NXN: variants seen among roughly 807,000 people sequenced by gnomAD.
The protein encoded by NXN is nucleoredoxin.
Under a neutral mutation model 48.6 loss-of-function variants are expected in NXN, and 16 were observed. The ratio of observed to expected loss-of-function variants is 0.33; its 90% CI spans 0.22 to 0.50. The LOEUF (loss-of-function observed/expected upper bound fraction) is 0.50, where lower values mean the gene tolerates loss of function less well. Among genes scored for constraint, NXN ranks in the 20% least tolerant of loss-of-function variants. The probability of loss-of-function intolerance (pLI) is 0.98; values close to 1 mark genes in which losing one functional copy is unlikely to be tolerated. For synonymous variants in NXN, 281 were observed against 269.6 expected (o/e 1.04, Z -0.41); for missense variants, 492 against 605.5 (o/e 0.81, Z 1.97).
At chr17:826,246 A>G (rs1360566960) in intron 1 of NXN, among the ~76,000 whole-genome samples, 168 bp from the exon 2 acceptor site, 1 of 152,018 alleles carries the variant, frequency 6.6e-6, no homozygotes. Context: ...CACGTTAACT[A>G]CAATCCCACT....
chr17:907,456 C>T (rs954896914), intron 1 of NXN, among the ~76,000 whole-genome samples: 3 of 152,010 alleles, frequency 2.0e-5, no homozygotes, highest in Middle Eastern at 3.2e-3. Flanking sequence ...TCTCCTGCCT[C>T]AGCCTCCCTA....
intron 1 of NXN, among the ~76,000 whole-genome samples, chr17:828,795 C>A (rs1384595366): frequency 3.9e-5 from 6 of 152,148 alleles, no homozygotes; most frequent in Non-Finnish European, 1.5e-5. Context: ...CAGAACAAGA[C>A]CATCCTGCCA....
At chr17:908,594 T>C (rs748991102) in intron 1 of NXN, among the ~76,000 whole-genome samples, 2 of 152,140 alleles carry the variant, frequency 1.3e-5, no homozygotes, top group South Asian at 4.1e-4. Flanking sequence ...GAAGCCATTA[T>C]GGTTAAACCA....
At chr17:938,407 C>T (rs936674745) in intron 1 of NXN, among the ~76,000 whole-genome samples, 3 of 152,344 alleles carry the variant, frequency 2.0e-5, no homozygotes, top group South Asian at 4.1e-4. Context: ...CCCGGCCGGG[C>T]GCGGCGGCTC....
chr17:914,368 C>G (rs553541143), intron 1 of NXN, among the ~76,000 whole-genome samples: 1 of 145,622 alleles, frequency 6.9e-6, no homozygotes, highest in South Asian at 2.1e-4. Context: ...TAGGGTTTTA[C>G]CGTGTTGGCC....
chr17:896,335 C>G (rs1475897816), intron 1 of NXN, among the ~76,000 whole-genome samples: 1 of 118,338 alleles, frequency 8.5e-6, no homozygotes, highest in East Asian at 2.2e-4. Context: ...AGCAAAACTC[C>G]ATCTCAAAAA....
intron 1 of NXN, among the ~76,000 whole-genome samples, chr17:828,318 G>C (rs139652093): frequency 0.014 from 2,094 of 151,128 alleles, 53 homozygotes; most frequent in African/African-American, 0.049. Flanking sequence ...TGGCCAGGCT[G>C]GTCTCGAACT....
At chr17:966,805 T>TG (rs2069310542) in intron 1 of NXN, among the ~76,000 whole-genome samples, 1 of 85,668 alleles carries the variant, frequency 1.2e-5, no homozygotes, top group Admixed American at 1.7e-4. Context: ...GGATGACTGT[T>TG]GGGGGGGTGG....
intron 1 of NXN, among the ~76,000 whole-genome samples, chr17:871,831 G>A (rs760241885): frequency 2.6e-4 from 39 of 152,038 alleles, no homozygotes; most frequent in South Asian, 4.1e-4. Context: ...ACAGTTACCC[G>A]CAAGCTTGCA....
intron 1 of NXN, among the ~76,000 whole-genome samples, chr17:890,159 T>C (rs971220948): frequency 3.9e-5 from 6 of 151,950 alleles, no homozygotes. Flanking sequence ...AACTTAAGAA[T>C]AAATCCCATC....
At chr17:913,638 A>G (rs1343187153) in intron 1 of NXN, among the ~76,000 whole-genome samples, 1 of 141,586 alleles carries the variant, frequency 7.1e-6, no homozygotes, top group Non-Finnish European at 1.5e-5. Flanking sequence ...CCGGGAACCG[A>G]TAAAGAGGCA....
At chr17:875,299 TG>T (rs1402868244) in intron 1 of NXN, among the ~76,000 whole-genome samples, 2 of 152,152 alleles carry the variant, frequency 1.3e-5, no homozygotes, top group African/African-American at 4.8e-5. Flanking sequence ...CCCAACCTAC[TG>T]GGATTACAGG....
intron 1 of NXN, among the ~76,000 whole-genome samples, chr17:835,701 C>A (rs939819535): frequency 7.5e-6 from 1 of 132,696 alleles, no homozygotes; most frequent in African/African-American, 3.0e-5. Context: ...CGGTGGGATT[C>A]GTCAGCCTCA....
intron 1 of NXN, among the ~76,000 whole-genome samples, chr17:943,548 ACAGTGGCTCACGCCT>A (rs2069005412): frequency 1.3e-5 from 2 of 152,340 alleles, no homozygotes; most frequent in South Asian, 4.1e-4. Context: ...CGGGCTGGGC[ACAGTGGCTCACGCCT>A]GTAATCCCAG....
At chr17:937,620 C>T (rs1036392921) in intron 1 of NXN, among the ~76,000 whole-genome samples, 4 of 152,322 alleles carry the variant, frequency 2.6e-5, no homozygotes, top group Admixed American at 6.5e-5. Flanking sequence ...GTCCCCCCAC[C>T]GCCCTCCCCA....
At chr17:967,787 T>C (rs959732386) in intron 1 of NXN, among the ~76,000 whole-genome samples, 6 of 152,078 alleles carry the variant, frequency 3.9e-5, no homozygotes, top group Non-Finnish European at 8.8e-5. Flanking sequence ...CTGGCTAATA[T>C]GGTGAAACCC....
chr17:842,112 G>A (rs1914361704), intron 1 of NXN, among the ~76,000 whole-genome samples: 1 of 152,056 alleles, frequency 6.6e-6, no homozygotes, highest in South Asian at 2.1e-4. Context: ...CTCCAGCCTG[G>A]GCGACAGAGA....
At chr17:929,790 G>A (rs971873903) in intron 1 of NXN, 3 of 147,764 alleles carry the variant, frequency 2.0e-5, no homozygotes, top group African/African-American at 7.3e-5. Context: ...CTTCACTTCC[G>A]TTTTTAATCT....
At chr17:861,317 A>G (rs2068037810) in intron 1 of NXN, among the ~76,000 whole-genome samples, 1 of 152,128 alleles carries the variant, frequency 6.6e-6, no homozygotes, top group Non-Finnish European at 1.5e-5. Flanking sequence ...TGTTTTTAGT[A>G]GAGACGGGGT....
Sources: allele counts gnomAD v4.1 joint callset (sites outside exome capture counted in the v4.1 genomes callset), GRCh38; gene constraint gnomAD v4.1.1; transcripts MANE v1.5; gene names NCBI Gene and HGNC (gene_info 2026-07-23, HGNC 2026-07-21).